Variants in RUFY3 observed in about 807,000 individuals in gnomAD.
RUFY3 encodes the protein RUN and FYVE domain containing 3, also known as protein RUFY3.
RUFY3 carries 34 observed loss-of-function variants against 84.0 expected under a neutral mutation model. That is an observed-to-expected ratio of 0.40 (90% confidence interval 0.31 to 0.54). RUFY3 has a LOEUF of 0.54. Among genes scored for constraint, RUFY3 ranks in the 20% least tolerant of loss-of-function variants. The pLI, the probability that RUFY3 is intolerant of heterozygous loss-of-function variation, is 0.39. For missense variants in RUFY3, 507 were observed against 736.8 expected, an observed-to-expected ratio of 0.69 and a Z score of 3.61; for synonymous variants, 242 against 252.9, an observed-to-expected ratio of 0.96 and a Z score of 0.41.
chr4:70,738,104 C>T (rs1720679788), intron 1 of RUFY3, among the ~76,000 whole-genome samples: 1 of 151,148 alleles, frequency 6.6e-6, no homozygotes, highest in South Asian at 2.1e-4. Context: ...CTACCTTGGC[C>T]TCCCAAGTAG....
intron 1 of RUFY3, among the ~76,000 whole-genome samples, chr4:70,714,384 A>G (rs1741340581): frequency 6.6e-6 from 1 of 152,248 alleles, no homozygotes; most frequent in South Asian, 2.1e-4. Context: ...AGGTCCATTT[A>G]TAACAGACAT....
chr4:70,795,266 C>T (rs1170348354), intron 14 of RUFY3, among the ~76,000 whole-genome samples: 1 of 152,050 alleles, frequency 6.6e-6, no homozygotes, highest in Non-Finnish European at 1.5e-5. Flanking sequence ...CCTGAATTCC[C>T]CTTTAACAGA....
intron 4 of RUFY3, among the ~76,000 whole-genome samples, chr4:70,768,283 CT>C (rs1726333947): frequency 6.6e-6 from 1 of 152,148 alleles, no homozygotes; most frequent in South Asian, 2.1e-4. Context: ...TTTAAAGAAT[CT>C]ATTCATGCGC....
chr4:70,793,250 A>C, intron 12 of RUFY3: 1 of 987,310 alleles, frequency 1.0e-6, no homozygotes. Context: ...AATAACCCAA[A>C]GCCTAGGTGA....
rs756344024 is a variant in RUFY3 at position 70,763,561 on chromosome 4, C to G, written c.362C>G (p.Thr121Ser). Residue 121 changes from threonine to serine, a missense_variant, in exon 3 of 18, where the codon ACT (threonine) becomes AGT (serine). By Grantham distance (58) the Thr-to-Ser change is moderately conservative (BLOSUM62 1). This residue lies in a region of RUFY3 where 133 missense variants were observed against 301.1 expected (regional missense o/e 0.44). Transcript: ENST00000381006. ...CLKHGLKAKK[T>S]FLGQNKSFWG... ...ATTTTTGTTGCCTTAGCTAAAAAAA[C>G]TTTTCTCGGACAAAATAAATCCTTC... The G allele has an allele frequency of 3.1e-6, 5 of 1,604,248 alleles. No individual in the cohort carries two copies. The East Asian group carries it at 1.1e-4, about 36-fold the overall frequency.
upstream of RUFY3, chr4:70,704,509 A>G (rs1247131105): frequency 1.3e-5 from 2 of 156,714 alleles, no homozygotes; most frequent in Non-Finnish European, 2.8e-5. Context: ...TTCAAGCACT[A>G]GACACACCTG....
intron 5 of RUFY3, among the ~76,000 whole-genome samples, chr4:70,771,697 A>G (rs1189397675): frequency 6.6e-6 from 1 of 151,984 alleles, no homozygotes; most frequent in Non-Finnish European, 1.5e-5. Context: ...ACACCCAGCT[A>G]ATTTTTTTGT....
intron 2 of RUFY3, 149 bp downstream of exon 2, chr4:70,762,841 G>T (rs1410990975): frequency 4.4e-6 from 3 of 688,376 alleles, no homozygotes; most frequent in Non-Finnish European, 7.1e-6. Flanking sequence ...ATAGGAGCAG[G>T]GTTATGGTTG....
At chr4:70,795,373 G>A (rs1479578038) in intron 14 of RUFY3, among the ~76,000 whole-genome samples, 1 of 151,990 alleles carries the variant, frequency 6.6e-6, no homozygotes, top group Non-Finnish European at 1.5e-5. Flanking sequence ...GAATAATTAG[G>A]GAATTAGGCT....
rs111568807 is a variant in RUFY3, at chr4:70,786,385, G to GT, written c.1071+1517dup. ...ACATTTTAATATAGTTAGAAGAAAG[G>GT]TTTTTTTTTTTCTTTTTTTTTATTG... On this transcript the variant is annotated intron_variant, in intron 10 of 17. Coordinates refer to ENST00000381006, the MANE Select transcript of RUFY3 (RefSeq NM_001037442.4). 1.3e-3 allele frequency among the ~76,000 whole-genome samples: 186 copies of GT among 146,736 alleles called. 1 individual carries two copies. The South Asian group carries it at 0.014, about 11-fold the overall frequency.
At chr4:70,753,830 G>GA (rs200530896) in intron 1 of RUFY3, among the ~76,000 whole-genome samples, 1,833 of 152,160 alleles carry the variant, frequency 0.012, 31 homozygotes, top group African/African-American at 0.042. Context: ...GTTTCCAAGG[G>GA]AAAAAACTGA....
At chr4:70,779,257 C>G (rs1054381443) in intron 8 of RUFY3, among the ~76,000 whole-genome samples, 7 of 152,162 alleles carry the variant, frequency 4.6e-5, no homozygotes, top group Admixed American at 2.0e-4. Context: ...GCTTATGTAA[C>G]TCATGTGCTC....
intron 10 of RUFY3, among the ~76,000 whole-genome samples, chr4:70,785,366 A>G (rs955952390): frequency 6.6e-6 from 1 of 152,172 alleles, no homozygotes; most frequent in African/African-American, 2.4e-5. Flanking sequence ...AAAAAAATAC[A>G]TATCAATATA....
Position 70,722,298 on chromosome 4 carries a change from G to C in RUFY3, c.-276G>C. On this transcript the variant is annotated 5_prime_UTR_variant, in exon 1 of 18. Coordinates refer to ENST00000381006, the MANE Select transcript of RUFY3 (RefSeq NM_001037442.4). The stretch of plus-strand genomic sequence containing the variant: ...GCAGGGAAGGGAAGATAAAAGGAGA[G>C]GAAGCTGGGAGAAGACAAGCATCAT... 8.1e-7 allele frequency: 1 copy of C among 1,234,156 alleles called. No individual in the cohort carries two copies. Among genetic ancestry groups the C allele is most frequent in the Non-Finnish European group, 1.0e-6 (1 of 989,826 alleles). 76.5% of individuals were successfully genotyped at this position (1,234,156 alleles called of 1,614,324 possible). A position where few individuals can be genotyped will look rare whatever the true frequency, so the allele number is the denominator to read the frequency against.
At chr4:70,705,813 C>T (rs953065444) in intron 1 of RUFY3, among the ~76,000 whole-genome samples, 9 of 152,242 alleles carry the variant, frequency 5.9e-5, no homozygotes, top group African/African-American at 2.2e-4. Context: ...GCCAGTGCGG[C>T]CTTAGTAATA....
chr4:70,744,906 C>G (rs1296671701), intron 1 of RUFY3, among the ~76,000 whole-genome samples: 1 of 151,800 alleles, frequency 6.6e-6, no homozygotes, highest in African/African-American at 2.4e-5. Context: ...GCGCCCGCCT[C>G]AGGCTCCCAA....
chr4:70,776,889 T>C (rs1728062767), intron 7 of RUFY3, among the ~76,000 whole-genome samples: 2 of 152,272 alleles, frequency 1.3e-5, no homozygotes, highest in Admixed American at 6.5e-5. Context: ...AGGGCCACTG[T>C]CCTTACGACA....
At chr4:70,771,406 T>C (rs779501336) in intron 5 of RUFY3, among the ~76,000 whole-genome samples, 10 of 152,158 alleles carry the variant, frequency 6.6e-5, no homozygotes, top group Non-Finnish European at 1.2e-4. Flanking sequence ...CATAGAAAAT[T>C]CACCTAAAAC....
chr4:70,763,502 G>A (rs376108913), intron 2 of RUFY3, 50 bp from the exon 3 acceptor site: 31 of 1,436,852 alleles, frequency 2.2e-5, no homozygotes, highest in South Asian at 9.7e-5. Flanking sequence ...TTGAGAGTGC[G>A]CTTATGTTGT....
Sources: gnomAD v4.1 joint callset for allele counts (sites outside exome capture counted in the v4.1 genomes callset) on GRCh38, gnomAD v4.1.1 for gene constraint, gnomAD v4.1.1 regional missense constraint, MANE v1.5 for transcripts, NCBI Gene and HGNC (gene_info 2026-07-23, HGNC 2026-07-21) for gene names.